PTPRK: variants seen among roughly 807,000 people sequenced by gnomAD.
PTPRK encodes receptor-type tyrosine-protein phosphatase kappa.
Under a neutral mutation model 178.0 loss-of-function variants are expected in PTPRK, and 75 were observed. That is an observed-to-expected ratio of 0.42 (90% CI 0.35 to 0.51). The LOEUF (loss-of-function observed/expected upper bound fraction) is 0.51, where lower values mean the gene tolerates loss of function less well. Among genes scored for constraint, PTPRK ranks in the 20% least tolerant of loss-of-function variants. PTPRK has a pLI of 0.02. For missense variants in PTPRK, 1,441 were observed against 1,797.8 expected (o/e 0.80, Z 3.59); for synonymous variants, 637 against 620.6 (o/e 1.03, Z -0.39).
At chr6:128,370,450 C>G (rs1836115754) in intron 2 of PTPRK, among the ~76,000 whole-genome samples, 1 of 152,044 alleles carries the variant, frequency 6.6e-6, no homozygotes, top group Non-Finnish European at 1.5e-5. Context: ...AATATTTCTC[C>G]TTTATAGGCC....
chr6:128,420,701 T>C (rs528737874), intron 1 of PTPRK, among the ~76,000 whole-genome samples: 9 of 152,284 alleles, frequency 5.9e-5, no homozygotes, highest in African/African-American at 2.2e-4. Flanking sequence ...CTTACGAAAA[T>C]GACAGCATTA....
At chr6:128,184,903 T>C (rs1802506208) in intron 6 of PTPRK, among the ~76,000 whole-genome samples, 178 bp from the exon 7 acceptor site, 1 of 152,154 alleles carries the variant, frequency 6.6e-6, no homozygotes, top group Non-Finnish European at 1.5e-5. Context: ...ACATATAATT[T>C]TGCAAGTGCA....
chr6:128,260,181 A>AT lies in PTPRK; in HGVS notation c.496-17580dup, dbSNP rs113202687. Among the ~76,000 whole-genome samples, 9 of 151,678 alleles carry AT rather than the reference A, an allele frequency of 5.9e-5. No homozygotes were observed. The South Asian group carries it at 1.0e-3, about 18-fold the overall frequency. ...CTGATGACATGGCTTCCTAAAATATATTTTTTTTTATTCTATTTTTTAAAA... is the reference window on the plus strand; with the variant it reads ...CTGATGACATGGCTTCCTAAAATATATTTTTTTTTTATTCTATTTTTTAAAA... On this transcript the variant is annotated intron_variant, in intron 3 of 29. Transcript: ENST00000368226.
intron 15 of PTPRK, among the ~76,000 whole-genome samples, chr6:128,001,896 A>T (rs2114694697): frequency 6.6e-6 from 1 of 152,030 alleles, no homozygotes; most frequent in South Asian, 2.1e-4. Flanking sequence ...TACTGACAGC[A>T]TTCTACAGTG....
intron 7 of PTPRK, among the ~76,000 whole-genome samples, chr6:128,177,970 T>C (rs17055415): frequency 0.022 from 3,333 of 151,874 alleles, 101 homozygotes; most frequent in African/African-American, 0.046. Context: ...CATCTGTCCA[T>C]ATAGATTTCC....
intron 6 of PTPRK, among the ~76,000 whole-genome samples, chr6:128,187,440 T>C (rs1027449132): frequency 1.1e-4 from 16 of 152,150 alleles, no homozygotes; most frequent in Admixed American, 1.0e-3. Context: ...TATTTAACTT[T>C]TTCACATTAT....
intron 1 of PTPRK, among the ~76,000 whole-genome samples, chr6:128,497,779 G>GT (rs34465746): frequency 0.034 from 3,952 of 115,404 alleles, 76 homozygotes; most frequent in Non-Finnish European, 0.061. Context: ...CAAAAAGGTT[G>GT]TTTTTTTTTT....
chr6:128,427,022 A>G (rs867761046), intron 1 of PTPRK, among the ~76,000 whole-genome samples: 1 of 152,312 alleles, frequency 6.6e-6, no homozygotes, highest in Middle Eastern at 3.4e-3. Context: ...AAGTTTAAAG[A>G]TTATGATCTT....
At chr6:128,426,625 C>A in intron 1 of PTPRK, among the ~76,000 whole-genome samples, 2 of 152,280 alleles carry the variant, frequency 1.3e-5, no homozygotes, top group East Asian at 3.9e-4. Context: ...CATGTAGGAA[C>A]AAGATGTAAC....
At chr6:128,510,596 AAAAT>A (rs1038538967) in intron 1 of PTPRK, among the ~76,000 whole-genome samples, 117 of 152,322 alleles carry the variant, frequency 7.7e-4, no homozygotes, top group African/African-American at 2.1e-3. Flanking sequence ...CTTTCTATTA[AAAAT>A]AAATAAATGC....
intron 2 of PTPRK, among the ~76,000 whole-genome samples, chr6:128,362,043 C>T (rs796077574): frequency 1.6e-4 from 24 of 152,174 alleles, no homozygotes; most frequent in African/African-American, 5.5e-4. Context: ...GCCATTCTTG[C>T]AATTACTATA....
chr6:128,007,919 A>G (rs1226793078), intron 14 of PTPRK: 3 of 534,240 alleles, frequency 5.6e-6, no homozygotes, highest in East Asian at 1.4e-4. Flanking sequence ...TATTGCTAAA[A>G]TACTTAAAAC....
chr6:128,501,788 AC>A (rs1425838852), intron 1 of PTPRK, among the ~76,000 whole-genome samples: 1 of 152,252 alleles, frequency 6.6e-6, no homozygotes, highest in Non-Finnish European at 1.5e-5. Flanking sequence ...CTTAAAAGTA[AC>A]TGATAATTCA....
chr6:128,238,208 GA>G (rs762121535), intron 5 of PTPRK: 484 of 253,344 alleles, frequency 1.9e-3, no homozygotes, highest in East Asian at 3.1e-3. Context: ...AAAAAGAAAA[GA>G]AAAAAAAAAG....
intron 2 of PTPRK, among the ~76,000 whole-genome samples, chr6:128,344,679 A>G (rs1420547318): frequency 6.6e-6 from 1 of 151,842 alleles, no homozygotes. Context: ...TCAAACTGAC[A>G]AATTTTTTTG....
chr6:128,316,295 C>T (rs532697772), intron 3 of PTPRK, among the ~76,000 whole-genome samples: 3 of 152,274 alleles, frequency 2.0e-5, no homozygotes, highest in South Asian at 4.1e-4. Flanking sequence ...TTCCTCATTC[C>T]CCTTAGATAA....
chr6:128,247,278 A>AAAC (rs1200833683), intron 3 of PTPRK, among the ~76,000 whole-genome samples: 1 of 152,202 alleles, frequency 6.6e-6, no homozygotes, highest in East Asian at 1.9e-4. Flanking sequence ...CATAGTGTTA[A>AAAC]GAGCCCAGGC....
At chr6:128,239,866 T>C (rs995250734) in intron 5 of PTPRK, among the ~76,000 whole-genome samples, 169 bp downstream of exon 5, 1 of 152,190 alleles carries the variant, frequency 6.6e-6, no homozygotes, top group Non-Finnish European at 1.5e-5. Context: ...GAAAAGGAAA[T>C]CTCTAACATG....
intron 5 of PTPRK, among the ~76,000 whole-genome samples, chr6:128,236,622 CAGG>C (rs1233483307): frequency 1.3e-5 from 2 of 152,122 alleles, no homozygotes; most frequent in East Asian, 3.9e-4. Context: ...GCTGGGATTA[CAGG>C]CGTGAGCCAC....
Sources: gnomAD v4.1 joint callset for allele counts (sites outside exome capture counted in the v4.1 genomes callset) on GRCh38, gnomAD v4.1.1 for gene constraint, MANE v1.5 for transcripts, NCBI Gene and HGNC (gene_info 2026-07-23, HGNC 2026-07-21) for gene names.